The following TMEM132D variants were observed in gnomAD, a reference collection of about 807,000 sequenced individuals.
The protein encoded by TMEM132D is mature OL transmembrane protein.
A neutral mutation model predicts 62.3 loss-of-function variants in TMEM132D; 21 were observed. The ratio of observed to expected loss-of-function variants is 0.34; its 90% CI spans 0.24 to 0.49. TMEM132D has a LOEUF of 0.49. Among genes scored for constraint, TMEM132D ranks in the 20% least tolerant of loss-of-function variants. The pLI is 0.99. For synonymous variants in TMEM132D, 621 were observed against 575.6 expected, an observed-to-expected ratio of 1.08 and a Z score of -1.13; for missense variants, 1,346 against 1,402.8, an observed-to-expected ratio of 0.96 and a Z score of 0.65.
intron 2 of TMEM132D, among the ~76,000 whole-genome samples, chr12:129,574,415 A>G (rs1460287538): frequency 1.3e-5 from 2 of 151,868 alleles, no homozygotes; most frequent in African/African-American, 2.4e-5. Context: ...GAATATTAAA[A>G]CCCTAAAAGT....
intron 4 of TMEM132D, among the ~76,000 whole-genome samples, chr12:129,235,705 T>C (rs913339958): frequency 5.9e-5 from 9 of 152,332 alleles, no homozygotes; most frequent in African/African-American, 1.7e-4. Context: ...TCATTTCTTT[T>C]TGAAGGTGGA....
At chr12:129,897,846 C>T (rs1337501309) in intron 1 of TMEM132D, among the ~76,000 whole-genome samples, 1 of 152,198 alleles carries the variant, frequency 6.6e-6, no homozygotes, top group African/African-American at 2.4e-5. Flanking sequence ...CACTCAGCCC[C>T]TGGCAAGCCT....
intron 4 of TMEM132D, among the ~76,000 whole-genome samples, chr12:129,256,028 A>G (rs577868464): frequency 2.0e-5 from 3 of 152,236 alleles, no homozygotes; most frequent in African/African-American, 7.2e-5. Context: ...CCATAAGGAG[A>G]GAGATGGGTG....
At chr12:129,714,548 C>T (rs1868492953) in intron 1 of TMEM132D, among the ~76,000 whole-genome samples, 1 of 152,148 alleles carries the variant, frequency 6.6e-6, no homozygotes, top group African/African-American at 2.4e-5. Flanking sequence ...CGCTAATGTA[C>T]AGCATAGAGA....
chr12:129,321,596 G>A (rs1370930827), intron 4 of TMEM132D, among the ~76,000 whole-genome samples: 4 of 150,698 alleles, frequency 2.7e-5, no homozygotes, highest in East Asian at 3.9e-4. Flanking sequence ...TCACTCTTTC[G>A]CCCAGGCTGG....
At chr12:129,521,180 G>A (rs922217696) in intron 3 of TMEM132D, 4 of 152,192 alleles carry the variant, frequency 2.6e-5, no homozygotes, top group African/African-American at 7.2e-5. Context: ...TCGAATTCAG[G>A]TTATAGGAAA....
intron 1 of TMEM132D, among the ~76,000 whole-genome samples, chr12:129,761,032 G>A (rs569693956): frequency 6.7e-6 from 1 of 148,310 alleles, no homozygotes; most frequent in South Asian, 2.2e-4. Flanking sequence ...AGTGTTAGTG[G>A]GGAAAAGAAA....
chr12:129,516,498 A>G (rs184565778), intron 3 of TMEM132D, among the ~76,000 whole-genome samples: 22 of 152,288 alleles, frequency 1.4e-4, no homozygotes, highest in East Asian at 5.8e-4. Flanking sequence ...GACAGGAGAG[A>G]AAATGAGAGC....
chr12:129,765,369 C>A (rs1011691980), intron 1 of TMEM132D, among the ~76,000 whole-genome samples: 2 of 152,042 alleles, frequency 1.3e-5, no homozygotes, highest in African/African-American at 4.8e-5. Context: ...GAGTTTGAGA[C>A]CAGCCTGACC....
At chr12:129,709,040 TAGAA>T (rs1881575753) in intron 1 of TMEM132D, among the ~76,000 whole-genome samples, 1 of 152,174 alleles carries the variant, frequency 6.6e-6, no homozygotes, top group Non-Finnish European at 1.5e-5. Flanking sequence ...ACTCTCAAGA[TAGAA>T]AGAAACGTCA....
intron 8 of TMEM132D, 64 bp from the exon 9 acceptor site, chr12:129,075,123 G>C: frequency 2.2e-6 from 3 of 1,392,634 alleles, no homozygotes; most frequent in Non-Finnish European, 2.9e-6. Flanking sequence ...CCAAGTCTTA[G>C]TACAGTAGAC....
At chr12:129,608,149 T>G (rs1470426979) in intron 2 of TMEM132D, among the ~76,000 whole-genome samples, 1 of 152,204 alleles carries the variant, frequency 6.6e-6, no homozygotes, top group African/African-American at 2.4e-5. Flanking sequence ...TTAAGGAGTT[T>G]TATCTACCCC....
intron 5 of TMEM132D, among the ~76,000 whole-genome samples, chr12:129,099,983 G>A (rs1278580309): frequency 3.5e-5 from 5 of 141,424 alleles, no homozygotes; most frequent in East Asian, 2.0e-4. Context: ...CCGCCACTAC[G>A]CCCGGCTAAT....
chr12:129,873,004 G>A (rs557469680), intron 1 of TMEM132D, among the ~76,000 whole-genome samples: 7 of 152,240 alleles, frequency 4.6e-5, no homozygotes, highest in Middle Eastern at 3.4e-3. Flanking sequence ...TGAAGAAGGC[G>A]GCTCTCCTAT....
At chr12:129,329,041 T>C (rs1593339102) in intron 4 of TMEM132D, among the ~76,000 whole-genome samples, 1 of 149,098 alleles carries the variant, frequency 6.7e-6, no homozygotes, top group African/African-American at 2.4e-5. Context: ...AGAATATATA[T>C]ATATATAAAG....
chr12:129,097,586 T>C (rs750306841), intron 5 of TMEM132D, among the ~76,000 whole-genome samples: 20 of 152,222 alleles, frequency 1.3e-4, no homozygotes, highest in Admixed American at 1.3e-4. Context: ...GGAAATGGCC[T>C]TAGGCCTCCA....
intron 2 of TMEM132D, among the ~76,000 whole-genome samples, chr12:129,654,648 T>C (rs1427992119): frequency 2.6e-5 from 4 of 152,226 alleles, no homozygotes; most frequent in African/African-American, 9.6e-5. Flanking sequence ...GGTCACTGTA[T>C]AGTTTCCGGA....
At chr12:129,628,957 T>A (rs1283037993) in intron 2 of TMEM132D, among the ~76,000 whole-genome samples, 1 of 151,550 alleles carries the variant, frequency 6.6e-6, no homozygotes, top group South Asian at 2.1e-4. Context: ...TTCTCTCTCA[T>A]GTCTTTTTCT....
chr12:129,802,860 G>A (rs1288406132), intron 1 of TMEM132D, among the ~76,000 whole-genome samples: 3 of 151,002 alleles, frequency 2.0e-5, no homozygotes, highest in African/African-American at 7.3e-5. Context: ...CAAGCAAATG[G>A]AAAACAAAAA....
Sources: allele counts gnomAD v4.1 joint callset (sites outside exome capture counted in the v4.1 genomes callset), GRCh38; gene constraint gnomAD v4.1.1; transcripts MANE v1.5; gene names NCBI Gene and HGNC (gene_info 2026-07-23, HGNC 2026-07-21).